Variants in CAP2 observed in about 807,000 individuals in gnomAD.
CAP2 encodes adenylyl cyclase-associated protein 2.
CAP2 carries 24 observed loss-of-function variants against 57.7 expected under a neutral mutation model. The observed-to-expected ratio is 0.42, with a 90% CI of 0.30 to 0.58. The LOEUF is 0.58. Among genes scored for constraint, CAP2 ranks in the 20% least tolerant of loss-of-function variants. The pLI is 0.22. For synonymous variants in CAP2, 194 were observed against 207.2 expected (o/e 0.94, Z 0.55); for missense variants, 501 against 590.3 (o/e 0.85, Z 1.57).
intron 7 of CAP2, among the ~76,000 whole-genome samples, chr6:17,535,731 T>C (rs1762757441): frequency 6.6e-6 from 1 of 152,200 alleles, no homozygotes; most frequent in South Asian, 2.1e-4. Context: ...GTATTTTTGT[T>C]AAAGAGATAT....
At chr6:17,522,880 C>T (rs535324490) in intron 7 of CAP2, among the ~76,000 whole-genome samples, 9 of 152,204 alleles carry the variant, frequency 5.9e-5, no homozygotes, top group African/African-American at 2.2e-4. Context: ...TTGCAACCTC[C>T]GCATTCTGGG....
intron 3 of CAP2, among the ~76,000 whole-genome samples, chr6:17,445,640 C>T (rs1161593898): frequency 3.3e-5 from 5 of 152,054 alleles, no homozygotes; most frequent in Admixed American, 1.3e-4. Flanking sequence ...AGTCTTTGAC[C>T]GTATTTATAT....
Position 17,427,127 on chromosome 6 carries a change from A to T in CAP2, c.222+437A>T, listed in dbSNP as rs1305844663. Among the ~76,000 whole-genome samples the T allele has an allele frequency of 2.6e-5, 4 of 152,156 alleles. No individual in the cohort carries two copies. The East Asian group carries it at 7.7e-4, about 29-fold the overall frequency. On this transcript the variant is annotated intron_variant, in intron 3 of 12. Coordinates refer to ENST00000229922, the MANE Select transcript of CAP2 (RefSeq NM_006366.3). ...GACACTGAGCAGAGATCTGATGGAG[A>T]GAGGTAGTGAGCTGTGGAGTGATGT...
Position 17,542,899 on chromosome 6 carries a change from C to T in CAP2, c.1065C>T (p.Tyr355=), listed in dbSNP as rs376897856. 6.2e-7 allele frequency: 1 copy of T among 1,613,060 alleles called. No homozygotes were observed. The highest frequency in any genetic ancestry group is 8.5e-7 in the Non-Finnish European group (1 of 1,179,054). Residue 355 remains tyrosine (Y), a synonymous_variant, in exon 10 of 13, where the codon TAC becomes TAT. Coordinates refer to ENST00000229922, the MANE Select transcript of CAP2 (RefSeq NM_006366.3). ...ISETELKQVA[Y]IFKCEKSTIQ... ...AGACTGAGCTGAAACAAGTGGCTTA[C>T]ATTTTCAAATGCGAAAAATCAACTA...
chr6:17,520,880 C>A (rs1266695100), intron 7 of CAP2, among the ~76,000 whole-genome samples: 1 of 152,150 alleles, frequency 6.6e-6, no homozygotes, highest in Non-Finnish European at 1.5e-5. Flanking sequence ...AAACCCACAC[C>A]TTAGGGGTAT....
At position 17,438,502 on chromosome 6, in the gene CAP2, G is replaced by A. The variant is rs553526964; in HGVS notation, c.222+11812G>A. Among the ~76,000 whole-genome samples the A allele has an allele frequency of 2.3e-3, 278 of 122,028 alleles. 7 individuals carry two copies. Among genetic ancestry groups the A allele is most frequent in the African/African-American group, 7.6e-3 (225 of 29,544 alleles). The allele number at this position is 122,028 out of a possible 152,430, so 80.1% of individuals were successfully genotyped here. On this transcript the variant is annotated intron_variant, in intron 3 of 12. Transcript: ENST00000229922. ...TGCCCAGGCTGGAGTGCAGTGGCAC[G>A]ATCCTGGCTCACTGCAAGCTCTGCC...
chr6:17,541,406 C>T (rs1272875746), intron 9 of CAP2, among the ~76,000 whole-genome samples: 2 of 151,830 alleles, frequency 1.3e-5, no homozygotes, highest in African/African-American at 4.8e-5. Flanking sequence ...ATGGTGAAAC[C>T]CTATCTCTAC....
chr6:17,404,209 C>T (rs1009478321), intron 1 of CAP2, among the ~76,000 whole-genome samples: 10 of 152,134 alleles, frequency 6.6e-5, no homozygotes, highest in South Asian at 2.1e-4. Flanking sequence ...TGGTGGCTCA[C>T]GCCTGTAATC....
chr6:17,396,426 T>G (rs552418448), intron 1 of CAP2, among the ~76,000 whole-genome samples: 2 of 152,226 alleles, frequency 1.3e-5, no homozygotes, highest in African/African-American at 4.8e-5. Flanking sequence ...AGTGGATAAA[T>G]AAAAGGTGGT....
intron 3 of CAP2, among the ~76,000 whole-genome samples, chr6:17,455,575 GC>G (rs1381540541): frequency 6.7e-6 from 1 of 149,138 alleles, no homozygotes; most frequent in Non-Finnish European, 1.5e-5. Flanking sequence ...TCGCTCTGTC[GC>G]CCAGGCTGGA....
At chr6:17,431,523 A>T (rs1759733755) in intron 3 of CAP2, among the ~76,000 whole-genome samples, 1 of 152,138 alleles carries the variant, frequency 6.6e-6, no homozygotes, top group African/African-American at 2.4e-5. Flanking sequence ...CTCACTTTTG[A>T]TGGGTCATAG....
intron 4 of CAP2, among the ~76,000 whole-genome samples, chr6:17,490,629 G>A (rs764593469): frequency 1.3e-5 from 2 of 152,202 alleles, no homozygotes; most frequent in Non-Finnish European, 2.9e-5. Flanking sequence ...TGCGGGCAGA[G>A]GTCCTGCCCA....
At chr6:17,528,334 C>T (rs1762559745) in intron 7 of CAP2, among the ~76,000 whole-genome samples, 1 of 152,190 alleles carries the variant, frequency 6.6e-6, no homozygotes, top group Admixed American at 6.5e-5. Context: ...TAGAGAAAAA[C>T]AAACATAAAG....
At chr6:17,405,361 G>A (rs1016305141) in intron 1 of CAP2, among the ~76,000 whole-genome samples, 2 of 152,160 alleles carry the variant, frequency 1.3e-5, no homozygotes, top group East Asian at 1.9e-4. Flanking sequence ...CAGCCTGGGC[G>A]ACAGAGTGAG....
At chr6:17,428,541 G>T (rs551922752) in intron 3 of CAP2, among the ~76,000 whole-genome samples, 1 of 148,852 alleles carries the variant, frequency 6.7e-6, no homozygotes, top group Non-Finnish European at 1.5e-5. Context: ...GGGGCTTTTC[G>T]CATATTCTCA....
chr6:17,415,619 A>G (rs753370894), intron 1 of CAP2, among the ~76,000 whole-genome samples: 2 of 152,232 alleles, frequency 1.3e-5, no homozygotes, highest in Non-Finnish European at 2.9e-5. Flanking sequence ...ATAGGGCACC[A>G]TGCTGGACTC....
At chr6:17,453,990 CCCTCCCACCTCAG>C (rs60848663) in intron 3 of CAP2, among the ~76,000 whole-genome samples, 6,886 of 149,406 alleles carry the variant, frequency 0.046, 542 homozygotes, top group African/African-American at 0.16. Context: ...GCTCAAGCAA[CCCTCCCACCTCAG>C]CCTCCCACCT....
At chr6:17,449,364 G>A (rs1050073015) in intron 3 of CAP2, among the ~76,000 whole-genome samples, 3 of 152,014 alleles carry the variant, frequency 2.0e-5, no homozygotes, top group Admixed American at 2.0e-4. Flanking sequence ...TGACCCTATT[G>A]TAAACCAAAT....
At chr6:17,408,340 A>T (rs1759044048) in intron 1 of CAP2, among the ~76,000 whole-genome samples, 1 of 152,138 alleles carries the variant, frequency 6.6e-6, no homozygotes, top group Non-Finnish European at 1.5e-5. Flanking sequence ...TCTACAGCTC[A>T]CAAATGGATG....
Sources: gnomAD v4.1 joint callset for allele counts (sites outside exome capture counted in the v4.1 genomes callset) on GRCh38, gnomAD v4.1.1 for gene constraint, MANE v1.5 for transcripts, NCBI Gene and HGNC (gene_info 2026-07-23, HGNC 2026-07-21) for gene names.